The following USP22 variants were observed in gnomAD, a reference collection of about 807,000 sequenced individuals.
USP22 encodes the protein ubiquitin specific peptidase 22, also known as ubiquitin carboxyl-terminal hydrolase 22.
USP22 carries 22 observed loss-of-function variants against 68.1 expected under a neutral mutation model. The ratio of observed to expected loss-of-function variants is 0.32; its 90% CI spans 0.23 to 0.46. The LOEUF is 0.46. Ranked by LOEUF, USP22 falls within the 20% of genes least tolerant of loss-of-function variation. The probability of loss-of-function intolerance (pLI) is 1.00; values close to 1 mark genes in which losing one functional copy is unlikely to be tolerated. For synonymous variants in USP22, 279 were observed against 274.2 expected, an observed-to-expected ratio of 1.02 and a Z score of -0.17; for missense variants, 433 against 695.8, an observed-to-expected ratio of 0.62 and a Z score of 4.25.
rs749246555 is a variant in USP22, at chr17:21,018,031, G to A, written c.601C>T (p.Arg201Trp). 4 of 1,614,066 alleles carry A rather than the reference G, an allele frequency of 2.5e-6. No individual in the cohort carries two copies. The highest frequency in any genetic ancestry group is 1.7e-5 in the Admixed American group (1 of 60,018). The change falls in exon 5 of 13, where the codon CGG becomes TGG. Residue 201 changes from arginine (R) to tryptophan (W), a missense_variant. By Grantham distance (101) the Arg-to-Trp change is moderately radical. This residue lies in a region of USP22 where 144 missense variants were observed against 237.2 expected (regional missense o/e 0.61). Transcript: ENST00000261497. Reference protein sequence around the residue: ...VQALTHTPLLRDFFLSDRHRC... With the variant: ...VQALTHTPLLWDFFLSDRHRC... ...TGCCTGTCAGACAGGAAGAAGTCCC[G>A]CAGAAGTGGCGTGTGGGTCAGGGCC...
chr17:21,015,786 G>T lies in USP22; in HGVS notation c.804C>A (p.Ile268=). 6.2e-7 allele frequency: 1 copy of T among 1,613,762 alleles called. No individual in the cohort carries two copies. Among genetic ancestry groups the T allele is most frequent in the Non-Finnish European group, 8.5e-7 (1 of 1,179,960 alleles). ...GTCGGTGGAGCACGTCCAGGGCCGC[G>T]ATGAGGAACTCGTGGGCGTCCTGCT... The part of the protein sequence containing the change: ...YEQQDAHEFL[I]AALDVLHRHC... Residue 268 remains isoleucine, a synonymous_variant, in exon 6 of 13, where the codon ATC becomes ATA. Coordinates refer to ENST00000261497, the MANE Select transcript of USP22 (RefSeq NM_015276.2).
At chr17:21,034,466 CCA>C (rs1182215122) in intron 1 of USP22, among the ~76,000 whole-genome samples, 1 of 152,154 alleles carries the variant, frequency 6.6e-6, no homozygotes, top group Non-Finnish European at 1.5e-5. Flanking sequence ...TTTCAGTTAC[CCA>C]CAGTCAACCT....
intron 4 of USP22, chr17:21,018,393 A>G (rs1411073168): frequency 3.5e-6 from 1 of 284,718 alleles, no homozygotes. Flanking sequence ...GTCAGAGTGA[A>G]GCCTAATGAA....
At chr17:21,023,644 CAAA>C (rs57776078) in intron 2 of USP22, among the ~76,000 whole-genome samples, 189 of 106,926 alleles carry the variant, frequency 1.8e-3, no homozygotes, top group Middle Eastern at 4.8e-3. Flanking sequence ...GACTATGTCT[CAAA>C]AAAAAAAAAA....
At chr17:21,041,192 T>C (rs911758880) in intron 1 of USP22, among the ~76,000 whole-genome samples, 1 of 152,066 alleles carries the variant, frequency 6.6e-6, no homozygotes, top group African/African-American at 2.4e-5. Flanking sequence ...CAGGCCATCT[T>C]TTCTTAAAGA....
Position 21,004,339 on chromosome 17 carries a change from A to C in USP22, c.1398T>G (p.Phe466Leu). 1 of 1,614,168 alleles carries C rather than the reference A, an allele frequency of 6.2e-7. No homozygotes were observed. Among genetic ancestry groups the C allele is most frequent in the Non-Finnish European group, 8.5e-7 (1 of 1,180,010 alleles). The change falls in exon 12 of 13, where the codon TTT becomes TTG. Residue 466 changes from phenylalanine (F) to leucine (L), a missense_variant. By Grantham distance (22) the Phe-to-Leu change is conservative. This residue lies in a region of USP22 where 178 missense variants were observed against 351.5 expected (regional missense o/e 0.51). Coordinates refer to ENST00000261497, the MANE Select transcript of USP22 (RefSeq NM_015276.2). ...SLNNDNKYSL[F>L]AVVNHQGTLE... ...AGGTCCCTTGATGGTTAACAACAGC[A>C]AACAGGGAATACCTAGTGCAGGAGC...
intron 2 of USP22, among the ~76,000 whole-genome samples, chr17:21,023,644 C>CAAAA (rs57776078): frequency 9.3e-6 from 1 of 106,964 alleles, no homozygotes; most frequent in African/African-American, 3.6e-5. Flanking sequence ...GACTATGTCT[C>CAAAA]AAAAAAAAAA....
chr17:21,012,795 G>A, intron 7 of USP22, 35 bp downstream of exon 7: 1 of 1,586,776 alleles, frequency 6.3e-7, no homozygotes, highest in Non-Finnish European at 8.7e-7. Flanking sequence ...GCCCCAGAGG[G>A]TTTGATATTG....
At chr17:21,040,064 C>A (rs887117631) in intron 1 of USP22, among the ~76,000 whole-genome samples, 3 of 152,264 alleles carry the variant, frequency 2.0e-5, no homozygotes, top group Non-Finnish European at 2.9e-5. Context: ...GTGACACACG[C>A]CCGTAGTCCC....
In USP22 at chr17:21,001,286, T is replaced by C. The variant is rs1913568345; in HGVS notation, c.*1745A>G. On this transcript the variant is annotated 3_prime_UTR_variant, in exon 13 of 13. Coordinates refer to ENST00000261497, the MANE Select transcript of USP22 (RefSeq NM_015276.2). ...TCAGGCTTCTGCCACACATGATGGT[T>C]CTGCGGGCTGTGATTGCCAAGTCCT... 6.6e-6 allele frequency: 1 copy of C among 152,234 alleles called. No homozygotes were observed. The highest frequency in any genetic ancestry group is 6.5e-5 in the Admixed American group (1 of 15,282). 9.4% of individuals were successfully genotyped at this position (152,234 alleles called of 1,614,324 possible). A position where few individuals can be genotyped will look rare whatever the true frequency, so the allele number is the denominator to read the frequency against.
chr17:21,004,984 C>T lies in USP22; in HGVS notation c.1329G>A (p.Glu443=). ...DMTPFMASSK[E]SRMNGQYQQP... Reference sequence around the variant, plus strand: ...GCTGGTACTGTCCATTCATCCTGCTCTCTTTGCTGTAACAGACAACGGCAG... The same window carrying T: ...GCTGGTACTGTCCATTCATCCTGCTTTCTTTGCTGTAACAGACAACGGCAG... Residue 443 remains glutamate (E), a synonymous_variant, in exon 11 of 13, where the codon GAG becomes GAA. Coordinates refer to ENST00000261497, the MANE Select transcript of USP22 (RefSeq NM_015276.2). 1.2e-6 allele frequency: 2 copies of T among 1,614,238 alleles called. No individual in the cohort carries two copies. Among genetic ancestry groups the T allele is most frequent in the Non-Finnish European group, 1.7e-6 (2 of 1,180,036 alleles).
rs1053972421 is a variant in USP22, at chr17:21,000,176, T to C, written c.*2855A>G. On this transcript the variant is annotated 3_prime_UTR_variant, in exon 13 of 13. Coordinates refer to ENST00000261497, the MANE Select transcript of USP22 (RefSeq NM_015276.2). Reference sequence around the variant, plus strand: ...GGGGCCCCTTAGTGGTCAGATGCACTTTGTCACAATGTACACCTACATGGG... The same window carrying C: ...GGGGCCCCTTAGTGGTCAGATGCACCTTGTCACAATGTACACCTACATGGG... The C allele has an allele frequency of 2.6e-5, 4 of 152,354 alleles. No homozygotes were observed. Among genetic ancestry groups the C allele is most frequent in the African/African-American group, 9.6e-5 (4 of 41,586 alleles). The allele number at this position is 152,354 out of a possible 1,614,324, so 9.4% of individuals were successfully genotyped here. A position where few individuals can be genotyped will look rare whatever the true frequency, so the allele number is the denominator to read the frequency against.
chr17:21,024,322 C>T (rs542339572), intron 2 of USP22, among the ~76,000 whole-genome samples: 4 of 152,308 alleles, frequency 2.6e-5, no homozygotes, highest in Non-Finnish European at 4.4e-5. Flanking sequence ...CCTGGGAAGA[C>T]GGATCACCAT....
rs1913738520 is a variant in USP22 at position 21,005,080 on chromosome 17, T to G, written c.1323-90A>C. ...CGTGAAACCAACACTTATCCAAGCTTGACCATGCAGATGCTGCACCGAGGT... is the reference window on the plus strand; with the variant it reads ...CGTGAAACCAACACTTATCCAAGCTGGACCATGCAGATGCTGCACCGAGGT... On this transcript the variant is annotated intron_variant, in intron 10 of 12. Coordinates refer to ENST00000261497, the MANE Select transcript of USP22 (RefSeq NM_015276.2). The G allele has an allele frequency of 2.1e-6, 3 of 1,455,100 alleles. No homozygotes were observed. In the South Asian group the frequency reaches 3.5e-5, roughly 17 times the overall value. The allele number at this position is 1,455,100 out of a possible 1,614,324, so 90.1% of individuals were successfully genotyped here.
chr17:21,042,740 G>C lies in USP22; in HGVS notation c.96C>G (p.Asp32Glu). Residue 32 changes from aspartate (D) to glutamate (E), a missense_variant, in exon 1 of 13, where the codon GAC (aspartate) becomes GAG (glutamate). Transcript: ENST00000261497. ...GCSHLGSFKV[D>E]NWKQNLRAIY... ...TGGCCCGCAGGTTCTGCTTCCAGTT[G>C]TCCACCTTGAAGCTGCCCAGGTGCG... 6.7e-7 allele frequency: 1 copy of C among 1,489,760 alleles called. No homozygotes were observed. The highest frequency in any genetic ancestry group is 8.9e-7 in the Non-Finnish European group (1 of 1,119,414). The allele number at this position is 1,489,760 out of a possible 1,614,324, so 92.3% of individuals were successfully genotyped here. A position where few individuals can be genotyped will look rare whatever the true frequency, so the allele number is the denominator to read the frequency against.
rs1454013548 is a variant in USP22 at position 21,042,698 on chromosome 17, C to T, written c.138G>A (p.Val46=). 5 of 1,405,436 alleles carry T rather than the reference C, an allele frequency of 3.6e-6. No homozygotes were observed. The highest frequency in any genetic ancestry group is 4.7e-6 in the Non-Finnish European group (5 of 1,069,048). The allele number at this position is 1,405,436 out of a possible 1,614,324, so 87.1% of individuals were successfully genotyped here. The part of the protein sequence containing the change: ...QNLRAIYQCF[V]WSGTAEARKR... ...TGCGGGCCTCAGCCGTGCCGCTCCACACGAAGCACTGGTAGATGGCCCGCA... is the reference window on the plus strand; with the variant it reads ...TGCGGGCCTCAGCCGTGCCGCTCCATACGAAGCACTGGTAGATGGCCCGCA... The change falls in exon 1 of 13, where the codon GTG becomes GTA. Residue 46 remains valine (V), a synonymous_variant. Coordinates refer to ENST00000261497, the MANE Select transcript of USP22 (RefSeq NM_015276.2).
At position 21,021,101 on chromosome 17, in the gene USP22, G is replaced by C. The variant is rs751524237; in HGVS notation, c.418+12C>G. 6.2e-7 allele frequency: 1 copy of C among 1,606,782 alleles called. No individual in the cohort carries two copies. The highest frequency in any genetic ancestry group is 8.5e-7 in the Non-Finnish European group (1 of 1,173,370). On this transcript the variant is annotated intron_variant, in intron 3 of 12. Transcript: ENST00000261497. ...TGCAGGATCAAGCAGGTAAACTGAG[G>C]TGGAACCAAACCTTGCATTTTCCAA...
chr17:21,005,271 C>G (rs1690377521), intron 10 of USP22: 1 of 411,000 alleles, frequency 2.4e-6, no homozygotes, highest in African/African-American at 2.0e-5. Context: ...GGAGCTGGAT[C>G]TGGAGGAATG....
At chr17:21,013,062 C>T in intron 6 of USP22, 127 bp from the exon 7 acceptor site, 1 of 719,518 alleles carries the variant, frequency 1.4e-6, no homozygotes, top group South Asian at 1.9e-5. Flanking sequence ...CATGTGAGGA[C>T]ACTCCTCATT....
Sources: allele counts gnomAD v4.1 joint callset (sites outside exome capture counted in the v4.1 genomes callset), GRCh38; gene constraint gnomAD v4.1.1; regional missense constraint gnomAD v4.1.1; transcripts MANE v1.5; gene names NCBI Gene and HGNC (gene_info 2026-07-23, HGNC 2026-07-21).